IL17B: variants seen among roughly 807,000 people sequenced by gnomAD.
The protein encoded by IL17B is interleukin 17B.
IL17B carries 14 observed loss-of-function variants against 14.7 expected under a neutral mutation model. That is an observed-to-expected ratio of 0.95 (90% CI 0.63 to 1.49). IL17B has a LOEUF of 1.49. Ranked by LOEUF, IL17B falls within the 40% of genes most tolerant of loss-of-function variation. IL17B has a pLI of 0.00. For missense variants in IL17B, 233 were observed against 252.8 expected (o/e 0.92, Z 0.53); for synonymous variants, 105 against 94.8 (o/e 1.11, Z -0.62).
upstream of IL17B, among the ~76,000 whole-genome samples, chr5:149,379,430 G>A (rs577858204): frequency 3.9e-5 from 6 of 152,334 alleles, no homozygotes; most frequent in South Asian, 4.1e-4. Context: ...GGTGAGGGGC[G>A]TGGGGGCAGG....
At chr5:149,396,668 C>T (rs957371744) in intron 1 of IL17B, among the ~76,000 whole-genome samples, 4 of 152,086 alleles carry the variant, frequency 2.6e-5, no homozygotes, top group Admixed American at 2.0e-4. Context: ...AAGGCAGAGG[C>T]GGGAGGATCA....
At chr5:149,402,738 T>C (rs746849424) in intron 1 of IL17B, among the ~76,000 whole-genome samples, 7 of 149,730 alleles carry the variant, frequency 4.7e-5, no homozygotes, top group Non-Finnish European at 8.9e-5. Flanking sequence ...GCACGGTGGC[T>C]CATGCCTGTA....
chr5:149,380,714 C>T (rs548910814), upstream of IL17B, among the ~76,000 whole-genome samples: 5 of 152,286 alleles, frequency 3.3e-5, no homozygotes, highest in South Asian at 2.1e-4. Flanking sequence ...ATACTGAGGA[C>T]GGCCCTGTCG....
intron 1 of IL17B, among the ~76,000 whole-genome samples, chr5:149,400,505 G>T (rs779894018): frequency 6.6e-6 from 1 of 152,198 alleles, no homozygotes; most frequent in Non-Finnish European, 1.5e-5. Flanking sequence ...ACAACCGGTC[G>T]CTGGCTTTGT....
intron 1 of IL17B, among the ~76,000 whole-genome samples, chr5:149,397,691 G>C (rs1759119065): frequency 6.6e-6 from 1 of 152,142 alleles, no homozygotes; most frequent in African/African-American, 2.4e-5. Flanking sequence ...AGATTTATTA[G>C]GCGGATTGAC....
intron 1 of IL17B, among the ~76,000 whole-genome samples, chr5:149,388,012 G>C (rs1289585094): frequency 6.6e-6 from 1 of 152,188 alleles, no homozygotes; most frequent in African/African-American, 2.4e-5. Flanking sequence ...ACTGGAACCA[G>C]CAGCAGTTAG....
chr5:149,374,473 C>T lies in IL17B; in HGVS notation c.439G>A (p.Val147Ile), dbSNP rs763153907. Reference sequence around the variant, plus strand: ...GGGCAGAGGCGGCGGCGCACAGGAACCTGGCTGAACACCGGCACGCTCACC... The same window carrying T: ...GGGCAGAGGCGGCGGCGCACAGGAATCTGGCTGAACACCGGCACGCTCACC... Reference protein sequence around the residue: ...SMVSVPVFSQVPVRRRLCPPP... With the variant: ...SMVSVPVFSQIPVRRRLCPPP... Residue 147 changes from valine (V) to isoleucine (I), a missense_variant, in exon 3 of 3, where the codon GTT becomes ATT. Transcript: ENST00000261796. The surrounding 1 kb of genome is among the most constrained non-coding windows in gnomAD (Gnocchi z 5.0). The T allele has an allele frequency of 2.2e-5, 36 of 1,612,638 alleles. No individual in the cohort carries two copies. The highest frequency in any genetic ancestry group is 5.0e-5 in the Admixed American group (3 of 60,002).
intron 1 of IL17B, among the ~76,000 whole-genome samples, chr5:149,390,527 C>G (rs1203682622): frequency 4.2e-5 from 6 of 143,768 alleles, no homozygotes; most frequent in Non-Finnish European, 9.1e-5. Context: ...AGGAAACCCC[C>G]CCAAACCCTC....
At chr5:149,400,368 A>G (rs1181792932) in intron 1 of IL17B, among the ~76,000 whole-genome samples, 1 of 152,214 alleles carries the variant, frequency 6.6e-6, no homozygotes, top group Non-Finnish European at 1.5e-5. Flanking sequence ...TCACAGCCTT[A>G]GAAGGAGCCA....
chr5:149,386,178 G>A (rs1319784339), intron 1 of IL17B, among the ~76,000 whole-genome samples: 1 of 152,192 alleles, frequency 6.6e-6, no homozygotes, highest in Non-Finnish European at 1.5e-5. Context: ...GTGGTGTCTT[G>A]TATGTGTGTG....
intron 1 of IL17B, among the ~76,000 whole-genome samples, chr5:149,389,439 C>A (rs375551145): frequency 4.6e-5 from 7 of 152,230 alleles, no homozygotes; most frequent in South Asian, 2.1e-4. Context: ...ACTTTTGGAA[C>A]AAGAGCCATC....
At chr5:149,394,831 T>C (rs554428029) in intron 1 of IL17B, among the ~76,000 whole-genome samples, 1 of 152,348 alleles carries the variant, frequency 6.6e-6, no homozygotes, top group Admixed American at 6.5e-5. Flanking sequence ...TGATTCTATA[T>C]ACATGGCCAT....
chr5:149,378,385 A>G (rs1758601611), intron 1 of IL17B, among the ~76,000 whole-genome samples: 1 of 152,218 alleles, frequency 6.6e-6, no homozygotes, highest in South Asian at 2.1e-4. Flanking sequence ...GAGTATCAGG[A>G]AAGCCTTTGG....
chr5:149,389,774 G>A (rs1028841563), intron 1 of IL17B, among the ~76,000 whole-genome samples: 6 of 152,200 alleles, frequency 3.9e-5, no homozygotes, highest in African/African-American at 1.4e-4. Context: ...TGGGACATGA[G>A]CTGAGCATCC....
intron 1 of IL17B, among the ~76,000 whole-genome samples, chr5:149,397,736 A>G (rs979320921): frequency 1.3e-5 from 2 of 152,196 alleles, no homozygotes; most frequent in African/African-American, 4.8e-5. Flanking sequence ...GTCTTGCAAC[A>G]GGCCGTCTAC....
chr5:149,378,123 G>A (rs1050629198), intron 1 of IL17B, among the ~76,000 whole-genome samples: 2 of 152,094 alleles, frequency 1.3e-5, no homozygotes, highest in Admixed American at 6.5e-5. Flanking sequence ...CAGCCTGGGC[G>A]ACAGAGCGAG....
At chr5:149,377,822 G>A (rs576572630) in intron 1 of IL17B, among the ~76,000 whole-genome samples, 1 of 152,196 alleles carries the variant, frequency 6.6e-6, no homozygotes, top group East Asian at 1.9e-4. Context: ...GTTGGGGGAA[G>A]ATGAGAGAGG....
At chr5:149,398,222 C>G (rs1034737620) in intron 1 of IL17B, among the ~76,000 whole-genome samples, 1 of 152,114 alleles carries the variant, frequency 6.6e-6, no homozygotes, top group Admixed American at 6.5e-5. Context: ...ATAATGCAAC[C>G]ATCCCATGAT....
chr5:149,390,583 GTTAGCACA>G (rs1758923531), intron 1 of IL17B, among the ~76,000 whole-genome samples: 1 of 78,724 alleles, frequency 1.3e-5, no homozygotes, highest in African/African-American at 5.6e-5. Flanking sequence ...CCATCCCTGA[GTTAGCACA>G]CACACACACA....
Sources: allele counts gnomAD v4.1 joint callset (sites outside exome capture counted in the v4.1 genomes callset), GRCh38; gene constraint gnomAD v4.1.1; non-coding constraint Gnocchi (gnomAD v3.1); transcripts MANE v1.5; gene names NCBI Gene and HGNC (gene_info 2026-07-23, HGNC 2026-07-21).